TRMT9B: variants seen among roughly 807,000 people sequenced by gnomAD.
The protein encoded by TRMT9B is tRNA methyltransferase 9B (putative).
TRMT9B carries 16 observed loss-of-function variants against 11.5 expected under a neutral mutation model. The ratio of observed to expected loss-of-function variants is 1.39; its 90% CI spans 0.94 to 2.11. The LOEUF is 2.11. TRMT9B is among the 30% of genes most tolerant of loss of function. The pLI, the probability that TRMT9B is intolerant of heterozygous loss-of-function variation, is 0.00. For synonymous variants in TRMT9B, 274 were observed against 192.4 expected (o/e 1.42, Z -3.51); for missense variants, 941 against 553.8 (o/e 1.70, Z -7.02).
At chr8:12,960,241 T>A (rs1356776566) in intron 1 of TRMT9B, 1 of 152,242 alleles carries the variant, frequency 6.6e-6, no homozygotes, top group Non-Finnish European at 1.5e-5. Flanking sequence ...TGCTCATTTT[T>A]AGTGGCAGCC....
At chr8:13,006,690 TG>T (rs1237307073) in intron 3 of TRMT9B, 1 of 1,321,062 alleles carries the variant, frequency 7.6e-7, no homozygotes, top group Non-Finnish European at 9.7e-7. Context: ...TCTTTTGAGA[TG>T]GAGTTTCACT....
In TRMT9B at chr8:12,990,953, C is replaced by G; in HGVS notation, c.-80C>G. 2.3e-6 allele frequency: 3 copies of G among 1,288,996 alleles called. No homozygotes were observed. Among genetic ancestry groups the G allele is most frequent in the Non-Finnish European group, 3.0e-6 (3 of 988,384 alleles). The allele number at this position is 1,288,996 out of a possible 1,614,324, so 79.8% of individuals were successfully genotyped here. A position where few individuals can be genotyped will look rare whatever the true frequency, so the allele number is the denominator to read the frequency against. On this transcript the variant is annotated 5_prime_UTR_variant, in exon 2 of 5. Transcript: ENST00000524591. ...ACATTGAGAAAGTTATGAGAAGCAA[C>G]TGTCACTCTCTGGAGGTGGAGACTG...
chr8:12,972,084 A>G (rs1159835733), intron 1 of TRMT9B, among the ~76,000 whole-genome samples: 6 of 152,182 alleles, frequency 3.9e-5, no homozygotes, highest in Admixed American at 1.3e-4. Context: ...CCCATCAGTT[A>G]TGTTAACAGA....
chr8:12,948,574 A>G lies in TRMT9B; in HGVS notation c.-200+2608A>G. Among the ~76,000 whole-genome samples the G allele has an allele frequency of 2.7e-5, 4 of 149,248 alleles. No individual in the cohort carries two copies. The South Asian group carries it at 8.4e-4, about 31-fold the overall frequency. ...GCATATGAATATATAATATATAAGTATATAAATTATATGCATGATATAATA... is the reference window on the plus strand; with the variant it reads ...GCATATGAATATATAATATATAAGTGTATAAATTATATGCATGATATAATA... On this transcript the variant is annotated intron_variant, in intron 1 of 4. Coordinates refer to ENST00000524591, the MANE Select transcript of TRMT9B (RefSeq NM_020844.3).
At chr8:12,968,137 G>T (rs756268357) in intron 1 of TRMT9B, among the ~76,000 whole-genome samples, 2 of 152,184 alleles carry the variant, frequency 1.3e-5, no homozygotes, top group African/African-American at 4.8e-5. Flanking sequence ...CACCCACCTC[G>T]ATCTCTCTAA....
chr8:12,961,517 C>T (rs1234217004), intron 1 of TRMT9B, among the ~76,000 whole-genome samples: 1 of 151,188 alleles, frequency 6.6e-6, no homozygotes, highest in Non-Finnish European at 1.5e-5. Flanking sequence ...CTGGTTAACA[C>T]GGTGAAACCC....
intron 2 of TRMT9B, among the ~76,000 whole-genome samples, chr8:12,995,999 C>T (rs766426300): frequency 5.9e-5 from 9 of 152,078 alleles, no homozygotes; most frequent in Non-Finnish European, 1.2e-4. Context: ...ATTGTCTTAA[C>T]GAGTAACAGT....
chr8:13,026,555 G>T lies in TRMT9B; in HGVS notation c.*4511G>T, dbSNP rs1814715612. The T allele has an allele frequency of 6.0e-6, 1 of 167,060 alleles. No individual in the cohort carries two copies. Among genetic ancestry groups the T allele is most frequent in the Non-Finnish European group, 1.5e-5 (1 of 68,122 alleles). The allele number at this position is 167,060 out of a possible 1,614,324, so 10.3% of individuals were successfully genotyped here. ...CTGTTTGTTAAAAAAGAGTAATAAAGGATTTTTGTTTTTAAAAAAAGCAAC... is the reference window on the plus strand; with the variant it reads ...CTGTTTGTTAAAAAAGAGTAATAAATGATTTTTGTTTTTAAAAAAAGCAAC... On this transcript the variant is annotated 3_prime_UTR_variant, in exon 5 of 5. Coordinates refer to ENST00000524591, the MANE Select transcript of TRMT9B (RefSeq NM_020844.3).
At chr8:13,002,686 G>C (rs753097397) in intron 2 of TRMT9B, among the ~76,000 whole-genome samples, 1 of 152,046 alleles carries the variant, frequency 6.6e-6, no homozygotes, top group Non-Finnish European at 1.5e-5. Flanking sequence ...ATCATCATTC[G>C]GTGATACTTG....
chr8:12,956,628 T>C (rs143200856), intron 1 of TRMT9B, among the ~76,000 whole-genome samples: 1 of 152,248 alleles, frequency 6.6e-6, no homozygotes, highest in Non-Finnish European at 1.5e-5. Context: ...AAGAAAGTAA[T>C]GTACTGAGAG....
chr8:12,991,775 G>C (rs1807379331), intron 2 of TRMT9B, among the ~76,000 whole-genome samples: 1 of 151,952 alleles, frequency 6.6e-6, no homozygotes, highest in South Asian at 2.1e-4. Context: ...TACTAAAAAT[G>C]CACAACTTAG....
intron 1 of TRMT9B, among the ~76,000 whole-genome samples, chr8:12,988,163 C>T (rs973512327): frequency 3.9e-5 from 6 of 152,044 alleles, no homozygotes; most frequent in Non-Finnish European, 5.9e-5. Flanking sequence ...CTGGCTGACC[C>T]CACTCATCTT....
At chr8:13,001,773 A>G (rs1235853129) in intron 2 of TRMT9B, among the ~76,000 whole-genome samples, 1 of 152,196 alleles carries the variant, frequency 6.6e-6, no homozygotes, top group Non-Finnish European at 1.5e-5. Flanking sequence ...ATCTCAAAGG[A>G]GGGACACAAT....
chr8:12,986,229 C>A (rs1263861905), intron 1 of TRMT9B, among the ~76,000 whole-genome samples: 2 of 152,086 alleles, frequency 1.3e-5, no homozygotes, highest in Admixed American at 6.5e-5. Context: ...CTTCAGTTAC[C>A]ACAGAGACAA....
intron 1 of TRMT9B, among the ~76,000 whole-genome samples, chr8:12,969,285 C>G (rs1172912681): frequency 1.3e-5 from 2 of 152,160 alleles, no homozygotes; most frequent in Admixed American, 6.5e-5. Context: ...ATCCTAGTCT[C>G]TGGGACAGTG....
At chr8:12,958,902 C>T (rs1232976032) in intron 1 of TRMT9B, 1 of 152,110 alleles carries the variant, frequency 6.6e-6, no homozygotes, top group Non-Finnish European at 1.5e-5. Context: ...AATGAGAACA[C>T]TTGGACACAG....
chr8:12,971,086 A>C (rs1212740283), intron 1 of TRMT9B, among the ~76,000 whole-genome samples: 1 of 152,236 alleles, frequency 6.6e-6, no homozygotes, highest in African/African-American at 2.4e-5. Context: ...AGTAATTTGC[A>C]TACCGTCACC....
intron 3 of TRMT9B, chr8:13,007,558 A>T (rs925449470): frequency 6.6e-6 from 1 of 152,202 alleles, no homozygotes; most frequent in Non-Finnish European, 1.5e-5. Context: ...TGAAGATGGT[A>T]TGAGTAATGT....
At chr8:12,967,344 G>T (rs1802955172) in intron 1 of TRMT9B, among the ~76,000 whole-genome samples, 1 of 152,126 alleles carries the variant, frequency 6.6e-6, no homozygotes, top group Non-Finnish European at 1.5e-5. Context: ...CTTGACTTTG[G>T]GACTATAGGT....
Sources: allele counts gnomAD v4.1 joint callset (sites outside exome capture counted in the v4.1 genomes callset), GRCh38; gene constraint gnomAD v4.1.1; transcripts MANE v1.5; gene names NCBI Gene and HGNC (gene_info 2026-07-23, HGNC 2026-07-21).